The following ANO10 variants were observed in gnomAD, a reference collection of about 807,000 sequenced individuals.
The protein encoded by ANO10 is anoctamin 10.
A neutral mutation model predicts 74.7 loss-of-function variants in ANO10; 77 were observed. The observed-to-expected ratio is 1.03, with a 90% CI of 0.86 to 1.25. ANO10 has a LOEUF of 1.25. Ranked by LOEUF, ANO10 falls within the 50% of genes most tolerant of loss-of-function variation. The probability of loss-of-function intolerance (pLI) is 0.00; values close to 1 mark genes in which losing one functional copy is unlikely to be tolerated. For synonymous variants in ANO10, 279 were observed against 284.9 expected (o/e 0.98, Z 0.21); for missense variants, 721 against 778.1 (o/e 0.93, Z 0.87).
intron 11 of ANO10, among the ~76,000 whole-genome samples, chr3:43,447,025 A>T (rs558579148): frequency 6.6e-6 from 1 of 152,306 alleles, no homozygotes; most frequent in Non-Finnish European, 1.5e-5. Context: ...AATACTGTTC[A>T]GCATTTTCCT....
upstream of ANO10, among the ~76,000 whole-genome samples, chr3:43,625,195 C>G (rs2083480831): frequency 6.6e-6 from 1 of 152,236 alleles, no homozygotes; most frequent in African/African-American, 2.4e-5. Flanking sequence ...AAGGAATCAG[C>G]AGTTTCCACC....
intron 11 of ANO10, among the ~76,000 whole-genome samples, chr3:43,539,123 C>A (rs1235494119): frequency 6.6e-6 from 1 of 152,116 alleles, no homozygotes; most frequent in African/African-American, 2.4e-5. Context: ...CCTAAGAAAA[C>A]CTACAGTCTC....
chr3:43,449,612 G>A (rs1465029670), intron 11 of ANO10, among the ~76,000 whole-genome samples: 2 of 143,160 alleles, frequency 1.4e-5, no homozygotes, highest in Admixed American at 1.5e-4. Context: ...TTTGCCAATA[G>A]TAGATCTATT....
At chr3:43,388,919 T>G (rs990772601) in intron 12 of ANO10, among the ~76,000 whole-genome samples, 16 of 152,244 alleles carry the variant, frequency 1.1e-4, no homozygotes, top group African/African-American at 3.9e-4. Flanking sequence ...AAGTTGCAGC[T>G]GTACTATATA....
intron 1 of ANO10, chr3:43,690,999 G>C (rs754832881): frequency 1.9e-6 from 3 of 1,572,660 alleles, no homozygotes; most frequent in Non-Finnish European, 2.6e-6. Flanking sequence ...GGCTATGGCG[G>C]CGGAGGAGGA....
At chr3:43,564,221 A>T (rs942221072) in intron 8 of ANO10, among the ~76,000 whole-genome samples, 38 of 152,156 alleles carry the variant, frequency 2.5e-4, no homozygotes, top group African/African-American at 8.9e-4. Context: ...TTTGGTAGAG[A>T]CAGGATTTTG....
At chr3:43,559,686 A>G (rs555959300) in intron 9 of ANO10, among the ~76,000 whole-genome samples, 3 of 152,318 alleles carry the variant, frequency 2.0e-5, no homozygotes, top group South Asian at 2.1e-4. Flanking sequence ...TGCAGTTTCT[A>G]TAAGACAGTG....
intron 1 of ANO10, among the ~76,000 whole-genome samples, chr3:43,674,432 C>A (rs77181128): frequency 0.084 from 12,738 of 152,132 alleles, 748 homozygotes; most frequent in South Asian, 0.22. Context: ...TTACAGGCAC[C>A]CATCACCATG....
chr3:43,535,135 G>A (rs903234791), intron 11 of ANO10, among the ~76,000 whole-genome samples: 2 of 151,586 alleles, frequency 1.3e-5, no homozygotes, highest in African/African-American at 2.4e-5. Context: ...CACCACACCC[G>A]GCTAATTTTT....
intron 1 of ANO10, among the ~76,000 whole-genome samples, chr3:43,641,711 C>A (rs2083672145): frequency 6.6e-6 from 1 of 152,234 alleles, no homozygotes; most frequent in Admixed American, 6.5e-5. Context: ...ATGGCACTGT[C>A]TATTTTTAGG....
intron 12 of ANO10, among the ~76,000 whole-genome samples, chr3:43,394,471 C>A (rs2092339694): frequency 6.6e-6 from 1 of 152,140 alleles, no homozygotes; most frequent in South Asian, 2.1e-4. Flanking sequence ...TTTCCTGGCT[C>A]CCTTCCTGAA....
At chr3:43,442,188 T>A (rs1466866878) in intron 11 of ANO10, among the ~76,000 whole-genome samples, 1 of 151,692 alleles carries the variant, frequency 6.6e-6, no homozygotes, top group East Asian at 1.9e-4. Context: ...AATAAATAAA[T>A]AAAAATAAAT....
chr3:43,535,423 G>C lies in ANO10; in HGVS notation c.1797+14297C>G, dbSNP rs376692249. Among the ~76,000 whole-genome samples the C allele has an allele frequency of 1.3e-4, 20 of 151,858 alleles. No homozygotes were observed. The South Asian group carries it at 2.3e-3, about 17-fold the overall frequency. On this transcript the variant is annotated intron_variant, in intron 11 of 12. Transcript: ENST00000292246. ...CCTGAGTAGCTGGGACTACAGGCAC[G>C]TGCCACCATATCCAGCTAATTTTTG...
intron 11 of ANO10, among the ~76,000 whole-genome samples, chr3:43,486,253 C>A (rs140458627): frequency 4.2e-4 from 64 of 152,330 alleles, no homozygotes; most frequent in African/African-American, 1.5e-3. Context: ...GTCAAGCCTC[C>A]TTTATTCTCT....
At chr3:43,425,833 C>T (rs905116911) in intron 12 of ANO10, among the ~76,000 whole-genome samples, 55 of 152,238 alleles carry the variant, frequency 3.6e-4, no homozygotes, top group Non-Finnish European at 6.6e-4. Context: ...GGGAAATCTG[C>T]GTCTGTAGAG....
intron 1 of ANO10, chr3:43,690,787 T>A: frequency 2.2e-6 from 1 of 456,078 alleles, no homozygotes; most frequent in South Asian, 4.6e-5. Flanking sequence ...GGAGAACTAG[T>A]GCATGCTGGC....
intron 11 of ANO10, 65 bp from the exon 12 acceptor site, chr3:43,432,792 G>T (rs1240781623): frequency 5.7e-6 from 6 of 1,050,284 alleles, no homozygotes; most frequent in Non-Finnish European, 9.0e-6. Context: ...GAAATAAATT[G>T]ATATCTAAGC....
chr3:43,528,580 A>C (rs903410521), intron 11 of ANO10, among the ~76,000 whole-genome samples: 6 of 152,192 alleles, frequency 3.9e-5, no homozygotes, highest in African/African-American at 1.4e-4. Context: ...GAAACTACCC[A>C]AATGAAAATA....
chr3:43,409,106 A>G (rs188652874), intron 12 of ANO10, among the ~76,000 whole-genome samples: 52 of 152,316 alleles, frequency 3.4e-4, no homozygotes, highest in Middle Eastern at 3.4e-3. Context: ...TCCTGCTTTC[A>G]GGGTACCTTA....
Sources: allele counts gnomAD v4.1 joint callset (sites outside exome capture counted in the v4.1 genomes callset), GRCh38; gene constraint gnomAD v4.1.1; transcripts MANE v1.5; gene names NCBI Gene and HGNC (gene_info 2026-07-23, HGNC 2026-07-21).